The following ST18 variants were observed in gnomAD, a reference collection of about 807,000 sequenced individuals.
ST18 encodes the protein ST18 C2H2C-type zinc finger transcription factor.
ST18 carries 50 observed loss-of-function variants against 110.0 expected under a neutral mutation model. The observed-to-expected ratio is 0.45, with a 90% confidence interval of 0.36 to 0.58. The LOEUF (loss-of-function observed/expected upper bound fraction) is 0.58. ST18 is among the 20% of genes least tolerant of loss of function. The pLI is 0.00. For synonymous variants in ST18, 461 were observed against 452.4 expected, an observed-to-expected ratio of 1.02 and a Z score of -0.24; for missense variants, 1,306 against 1,280.1, an observed-to-expected ratio of 1.02 and a Z score of -0.31.
chr8:52,357,836 T>C (rs1023022044), intron 2 of ST18, among the ~76,000 whole-genome samples: 2 of 149,878 alleles, frequency 1.3e-5, no homozygotes, highest in Non-Finnish European at 1.5e-5. Flanking sequence ...CCATGAACAA[T>C]AGCATAAGCC....
At chr8:52,372,870 G>A (rs1489913996) in intron 2 of ST18, among the ~76,000 whole-genome samples, 1 of 152,140 alleles carries the variant, frequency 6.6e-6, no homozygotes, top group African/African-American at 2.4e-5. Flanking sequence ...AATGTTTATG[G>A]TTATGAAGCT....
chr8:52,384,399 T>A (rs1490351513), intron 2 of ST18, among the ~76,000 whole-genome samples: 1 of 152,078 alleles, frequency 6.6e-6, no homozygotes, highest in Non-Finnish European at 1.5e-5. Context: ...CCGCTTTCCC[T>A]CCTACTAAGT....
intron 15 of ST18, chr8:52,154,875 C>G (rs1369090325): frequency 7.0e-6 from 1 of 142,070 alleles, no homozygotes; most frequent in Non-Finnish European, 1.5e-5. Context: ...AGCAGATCCT[C>G]TCAGAAAAAA....
In ST18 at chr8:52,172,266, C is replaced by T; in HGVS notation, c.595G>A (p.Ala199Thr). The T allele has an allele frequency of 1.2e-6, 2 of 1,614,182 alleles. No individual in the cohort carries two copies. Among genetic ancestry groups the T allele is most frequent in the Admixed American group, 1.7e-5 (1 of 60,018 alleles). Residue 199 changes from alanine to threonine, a missense_variant, in exon 10 of 26, where the codon GCA becomes ACA. Ala to Thr is a moderately conservative substitution (Grantham distance 58). Coordinates refer to ENST00000689386, the MANE Select transcript of ST18 (RefSeq NM_001352837.2). ...GAGCCACTGTCCCAGCCATTTTCTGCACTTTCAGAGTTACTTTCATTGTCA... is the reference window on the plus strand; with the variant it reads ...GAGCCACTGTCCCAGCCATTTTCTGTACTTTCAGAGTTACTTTCATTGTCA... ...SDDNESNSES[A>T]ENGWDSGSNF...
intron 2 of ST18, among the ~76,000 whole-genome samples, chr8:52,295,358 A>T (rs951345044): frequency 4.6e-5 from 7 of 152,158 alleles, no homozygotes; most frequent in Non-Finnish European, 1.0e-4. Context: ...CCTCTAATTT[A>T]TGTTTTTATC....
intron 2 of ST18, among the ~76,000 whole-genome samples, chr8:52,325,833 G>A (rs940921792): frequency 6.6e-6 from 1 of 152,082 alleles, no homozygotes; most frequent in Non-Finnish European, 1.5e-5. Flanking sequence ...GATCACATAA[G>A]CCACTCAACT....
chr8:52,346,856 C>A (rs1231819317), intron 2 of ST18, among the ~76,000 whole-genome samples: 1 of 152,098 alleles, frequency 6.6e-6, no homozygotes, highest in Non-Finnish European at 1.5e-5. Flanking sequence ...TAGGAAAAAA[C>A]AATGGGAGAT....
At chr8:52,387,933 A>G (rs1049654119) in intron 2 of ST18, among the ~76,000 whole-genome samples, 6 of 152,162 alleles carry the variant, frequency 3.9e-5, no homozygotes, top group Admixed American at 1.3e-4. Context: ...TCCACTGGAC[A>G]GGTCACTGCC....
At chr8:52,332,045 A>G (rs1809689273) in intron 2 of ST18, among the ~76,000 whole-genome samples, 2 of 152,076 alleles carry the variant, frequency 1.3e-5, no homozygotes, top group African/African-American at 4.8e-5. Flanking sequence ...TATAAAACAA[A>G]TATGTATGTG....
intron 2 of ST18, among the ~76,000 whole-genome samples, chr8:52,344,286 G>A (rs760594890): frequency 6.6e-6 from 1 of 152,202 alleles, no homozygotes; most frequent in African/African-American, 2.4e-5. Context: ...GTGTATTAGA[G>A]TCTTGCCATT....
At position 52,409,470 on chromosome 8, in the gene ST18, TATG is replaced by T. The variant is rs1446599599; in HGVS notation, c.-589-21_-589-19del. On this transcript the variant is annotated intron_variant, in intron 1 of 25. Transcript: ENST00000689386. ...ATTATTTTCTAAAGAAGAAAAAAAATATGATGTGAAAATTATCATAAGAAAACC... is the reference window on the plus strand; with the variant it reads ...ATTATTTTCTAAAGAAGAAAAAAAATATGTGAAAATTATCATAAGAAAACC... 1 of 152,100 alleles carries T rather than the reference TATG, an allele frequency of 6.6e-6. No homozygotes were observed. The highest frequency in any genetic ancestry group is 1.5e-5 in the Non-Finnish European group (1 of 68,014). 9.4% of individuals were successfully genotyped at this position (152,100 alleles called of 1,614,324 possible). A position where few individuals can be genotyped will look rare whatever the true frequency, so the allele number is the denominator to read the frequency against.
chr8:52,223,599 A>C (rs1385726040), intron 3 of ST18, among the ~76,000 whole-genome samples: 1 of 151,896 alleles, frequency 6.6e-6, no homozygotes, highest in Non-Finnish European at 1.5e-5. Context: ...AGCCAAGATC[A>C]CACTGCTACA....
rs751491663 is a variant in ST18 at position 52,164,027 on chromosome 8, A to G, written c.1359T>C (p.Leu453=). ...KLAMSQDKNQ[L]DSPQTGQCPD... is the part of the protein sequence containing the mutation. ...GACACTGCCCAGTTTGGGGAGAATC[A>G]AGCTGATTTTTATCCTGGGACATTG... Residue 453 remains leucine (L), a synonymous_variant, in exon 13 of 26, where the codon CTT becomes CTC. Coordinates refer to ENST00000689386, the MANE Select transcript of ST18 (RefSeq NM_001352837.2). The G allele has an allele frequency of 1.9e-6, 3 of 1,614,190 alleles. No homozygotes were observed. In the East Asian group the frequency reaches 6.7e-5, roughly 36 times the overall value.
chr8:52,161,033 A>G (rs537835853), intron 14 of ST18, among the ~76,000 whole-genome samples: 1 of 152,366 alleles, frequency 6.6e-6, no homozygotes, highest in African/African-American at 2.4e-5. Context: ...CTGCATTACA[A>G]CAGTCATCAC....
intron 2 of ST18, among the ~76,000 whole-genome samples, chr8:52,380,002 T>C (rs932433045): frequency 4.6e-5 from 7 of 152,196 alleles, no homozygotes; most frequent in African/African-American, 1.7e-4. Flanking sequence ...TAAAAAGCGA[T>C]CTCTCATAGT....
At chr8:52,357,726 T>TATAC in intron 2 of ST18, among the ~76,000 whole-genome samples, 1 of 91,880 alleles carries the variant, frequency 1.1e-5, no homozygotes, top group African/African-American at 4.0e-5. Context: ...TATATATATA[T>TATAC]ATATAAAACA....
rs771920668 is a variant in ST18 at position 52,158,864 on chromosome 8, C to G, written c.1806+34G>C. 3.1e-6 allele frequency: 5 copies of G among 1,611,942 alleles called. No homozygotes were observed. The South Asian group carries it at 5.5e-5, about 18-fold the overall frequency. ...GCAGTTTATTCTCACAGTTCAGTCG[C>G]TGGCCCACCCTCCGGGCTCTTGGAC... On this transcript the variant is annotated intron_variant, in intron 15 of 25. Transcript: ENST00000689386.
chr8:52,123,362 C>T (rs1232567856), intron 23 of ST18, among the ~76,000 whole-genome samples: 4 of 152,116 alleles, frequency 2.6e-5, no homozygotes, highest in Non-Finnish European at 5.9e-5. Context: ...TTTTTAATGT[C>T]TGAAGGTGTG....
intron 9 of ST18, among the ~76,000 whole-genome samples, chr8:52,172,800 T>C (rs960028248): frequency 6.6e-6 from 1 of 152,168 alleles, no homozygotes; most frequent in African/African-American, 2.4e-5. Flanking sequence ...AAGAGAAAAC[T>C]TAGACCTTAA....
Sources: gnomAD v4.1 joint callset for allele counts (sites outside exome capture counted in the v4.1 genomes callset) on GRCh38, gnomAD v4.1.1 for gene constraint, MANE v1.5 for transcripts, NCBI Gene and HGNC (gene_info 2026-07-23, HGNC 2026-07-21) for gene names.